CCDC158: variants seen among roughly 807,000 people sequenced by gnomAD.
The protein encoded by CCDC158 is coiled-coil domain-containing protein 158.
A neutral mutation model predicts 138.6 loss-of-function variants in CCDC158; 116 were observed. The observed-to-expected ratio is 0.84, with a 90% CI of 0.72 to 0.98. The LOEUF is 0.98. Among genes scored for constraint, CCDC158 ranks in the 50% least tolerant of loss-of-function variants. CCDC158 has a pLI of 0.00. For synonymous variants in CCDC158, 436 were observed against 442.4 expected (o/e 0.99, Z 0.18); for missense variants, 1,265 against 1,306.1 (o/e 0.97, Z 0.48).
intron 18 of CCDC158, among the ~76,000 whole-genome samples, chr4:76,343,145 T>C (rs1256378687): frequency 5.9e-5 from 9 of 152,188 alleles, no homozygotes; most frequent in Admixed American, 2.0e-4. Flanking sequence ...CATAGATATA[T>C]GTTAATAGTT....
At chr4:76,383,814 AG>A in intron 6 of CCDC158, 76 bp from the exon 7 acceptor site, 1 of 1,016,690 alleles carries the variant, frequency 9.8e-7, no homozygotes, top group Non-Finnish European at 1.6e-6. Flanking sequence ...TTTCAACTAA[AG>A]GAATGCTTTA....
chr4:76,368,672 A>C (rs563659946), intron 11 of CCDC158, among the ~76,000 whole-genome samples: 1 of 152,298 alleles, frequency 6.6e-6, no homozygotes, highest in Admixed American at 6.5e-5. Flanking sequence ...CATCAGTCTC[A>C]ATCAGTGATG....
intron 22 of CCDC158, among the ~76,000 whole-genome samples, chr4:76,327,094 G>A (rs759736126): frequency 1.8e-4 from 27 of 152,086 alleles, no homozygotes; most frequent in African/African-American, 4.8e-5. Context: ...GCCAATGTAT[G>A]AGAAAAGGTA....
chr4:76,364,116 C>A (rs939235243), intron 12 of CCDC158, among the ~76,000 whole-genome samples: 1 of 152,198 alleles, frequency 6.6e-6, no homozygotes, highest in African/African-American at 2.4e-5. Context: ...TCACAGAGGG[C>A]CTTCCCCTAC....
Position 76,396,288 on chromosome 4 carries a change from A to G in CCDC158, c.269T>C (p.Leu90Ser), listed in dbSNP as rs760821613. 6.2e-7 allele frequency: 1 copy of G among 1,612,726 alleles called. No individual in the cohort carries two copies. Residue 90 changes from leucine (L) to serine (S), a missense_variant, in exon 4 of 25, where the codon TTA becomes TCA. Coordinates refer to ENST00000682701, the MANE Select transcript of CCDC158 (RefSeq NM_001394954.1). ...ACTCACTTCATTTAGTCTTCTCTGTAAATCTTTGACTTGATGTGAATATTC... is the reference window on the plus strand; with the variant it reads ...ACTCACTTCATTTAGTCTTCTCTGTGAATCTTTGACTTGATGTGAATATTC... ...LEEYSHQVKD[L>S]QRRLNESNEL...
chr4:76,374,489 C>T (rs1725541294), intron 9 of CCDC158, among the ~76,000 whole-genome samples: 1 of 152,172 alleles, frequency 6.6e-6, no homozygotes, highest in South Asian at 2.1e-4. Context: ...GTTTCTGTTA[C>T]ATAACTTCCC....
chr4:76,365,695 C>T (rs544105551), intron 12 of CCDC158, among the ~76,000 whole-genome samples: 99 of 152,312 alleles, frequency 6.5e-4, no homozygotes, highest in African/African-American at 2.4e-3. Context: ...CTCCACATTC[C>T]TTTGAGGCAC....
intron 18 of CCDC158, among the ~76,000 whole-genome samples, chr4:76,346,968 C>T (rs1050844952): frequency 1.3e-5 from 2 of 152,010 alleles, no homozygotes; most frequent in African/African-American, 2.4e-5. Context: ...CAAATCAAAA[C>T]CAAAATGAGA....
At chr4:76,337,685 T>A (rs1013676243) in intron 18 of CCDC158, among the ~76,000 whole-genome samples, 140 of 151,064 alleles carry the variant, frequency 9.3e-4, no homozygotes, top group African/African-American at 3.3e-3. Context: ...TGACCCGAGA[T>A]CGTGCCATGG....
chr4:76,319,398 G>A (rs181162974), intron 24 of CCDC158, among the ~76,000 whole-genome samples: 3,092 of 120,100 alleles, frequency 0.026, 126 homozygotes, highest in African/African-American at 0.094. Flanking sequence ...ATGCCACTGC[G>A]CTCCAGCCTG....
intron 2 of CCDC158, among the ~76,000 whole-genome samples, chr4:76,403,528 T>C (rs985100201): frequency 3.3e-5 from 5 of 152,216 alleles, no homozygotes; most frequent in Non-Finnish European, 7.3e-5. Context: ...AACTAATTAT[T>C]GTAGAGGTTT....
At chr4:76,316,362 A>G (rs1256059073) in intron 24 of CCDC158, among the ~76,000 whole-genome samples, 1 of 152,222 alleles carries the variant, frequency 6.6e-6, no homozygotes, top group East Asian at 1.9e-4. Flanking sequence ...AGAGACCTTC[A>G]GAACTTGAAG....
intron 2 of CCDC158, among the ~76,000 whole-genome samples, chr4:76,410,817 A>G (rs1729235087): frequency 6.6e-6 from 1 of 152,074 alleles, no homozygotes; most frequent in Admixed American, 6.6e-5. Context: ...ACATGCTCTC[A>G]GTGTCTGTTT....
chr4:76,357,177 T>G (rs1050296249), intron 14 of CCDC158, among the ~76,000 whole-genome samples, 197 bp downstream of exon 14: 2 of 152,228 alleles, frequency 1.3e-5, no homozygotes, highest in Non-Finnish European at 2.9e-5. Flanking sequence ...AGGGATTAAA[T>G]TAACTCCATG....
chr4:76,387,205 G>A (rs1340161753), intron 4 of CCDC158, among the ~76,000 whole-genome samples: 1 of 152,148 alleles, frequency 6.6e-6, no homozygotes, highest in East Asian at 1.9e-4. Flanking sequence ...AGCGTAAAAA[G>A]GACTTTGTCT....
At chr4:76,405,880 G>A (rs2109879881) in intron 2 of CCDC158, among the ~76,000 whole-genome samples, 1 of 152,010 alleles carries the variant, frequency 6.6e-6, no homozygotes, top group Non-Finnish European at 1.5e-5. Context: ...ATTTTAAATG[G>A]AAACATAAAG....
intron 14 of CCDC158, among the ~76,000 whole-genome samples, chr4:76,356,151 A>G (rs934388196): frequency 2.6e-5 from 4 of 152,160 alleles, no homozygotes; most frequent in Non-Finnish European, 4.4e-5. Flanking sequence ...AAATGAAAAT[A>G]TACCATTCAT....
chr4:76,394,056 T>A (rs938561489), intron 4 of CCDC158, among the ~76,000 whole-genome samples: 8 of 152,106 alleles, frequency 5.3e-5, no homozygotes, highest in Non-Finnish European at 1.0e-4. Context: ...ACAGCCACTA[T>A]AAAGAACAGT....
At chr4:76,412,894 C>G (rs1729403072) in intron 1 of CCDC158, among the ~76,000 whole-genome samples, 1 of 152,156 alleles carries the variant, frequency 6.6e-6, no homozygotes, top group South Asian at 2.1e-4. Context: ...GCAAGTAAAC[C>G]TACAGGCACA....
Sources: allele counts gnomAD v4.1 joint callset (sites outside exome capture counted in the v4.1 genomes callset), GRCh38; gene constraint gnomAD v4.1.1; transcripts MANE v1.5; gene names NCBI Gene and HGNC (gene_info 2026-07-23, HGNC 2026-07-21).